Variants in IRGM observed in about 807,000 individuals in gnomAD.
The protein encoded by IRGM is immunity-related GTPase family M protein.
For synonymous variants in IRGM, 98 were observed against 80.6 expected (o/e 1.22, Z -1.16); for missense variants, 288 against 219.9 (o/e 1.31, Z -1.96).
intron 1 of IRGM, among the ~76,000 whole-genome samples, chr5:150,877,559 T>C (rs541661836): frequency 6.6e-6 from 1 of 152,338 alleles, no homozygotes; most frequent in East Asian, 1.9e-4. Flanking sequence ...CTCCCCTTTA[T>C]ATATACATCT....
At chr5:150,893,675 T>C (rs1754656584) in intron 3 of IRGM, among the ~76,000 whole-genome samples, 1 of 152,144 alleles carries the variant, frequency 6.6e-6, no homozygotes, top group Non-Finnish European at 1.5e-5. Flanking sequence ...ATGTAACTAT[T>C]GATGAAAACT....
At chr5:150,890,250 G>C (rs1581654468) in intron 3 of IRGM, among the ~76,000 whole-genome samples, 1 of 152,042 alleles carries the variant, frequency 6.6e-6, no homozygotes, top group African/African-American at 2.4e-5. Context: ...GTGGTAGTTT[G>C]TATCTTTCAA....
rs116201456 is a variant in IRGM, at chr5:150,892,540, C to A, written c.*141-8049C>A. 4.2e-3 allele frequency among the ~76,000 whole-genome samples: 641 copies of A among 152,068 alleles called. 4 individuals carry two copies. The highest frequency in any genetic ancestry group is 0.015 in the African/African-American group (608 of 41,496). ...AACAACACTTTTATCTCTTCCTTTC[C>A]AGGTTGCAAGCCCACTCCCTACTTT... is the stretch of plus-strand genomic sequence containing the variant. On this transcript the variant is annotated intron_variant and NMD_transcript_variant, in intron 3 of 3. Transcript: ENST00000520549.
At position 150,848,198 on chromosome 5, in the gene IRGM, T is replaced by C. The variant is rs747271133; in HGVS notation, c.75T>C (p.Thr25=). ...LPEVISNIKE[T]LKIVSRTPVN... Reference sequence around the variant, plus strand: ...AGGTGATCTCTAACATCAAGGAGACTCTGAAGATAGTGTCCAGGACACCAG... The same window carrying C: ...AGGTGATCTCTAACATCAAGGAGACCCTGAAGATAGTGTCCAGGACACCAG... Residue 25 remains threonine (T), a synonymous_variant, in exon 2 of 2, where the codon ACT becomes ACC. Coordinates refer to ENST00000522154, the MANE Select transcript of IRGM (RefSeq NM_001145805.2). The C allele has an allele frequency of 2.5e-5, 39 of 1,551,598 alleles. No homozygotes were observed. The highest frequency in any genetic ancestry group is 3.2e-5 in the Non-Finnish European group (37 of 1,146,914).
intron 1 of IRGM, among the ~76,000 whole-genome samples, chr5:150,877,748 G>A (rs1754385372): frequency 6.6e-6 from 1 of 152,092 alleles, no homozygotes; most frequent in Non-Finnish European, 1.5e-5. Flanking sequence ...ATAGGGCAGT[G>A]ACTTCACTCT....
chr5:150,886,220 T>C (rs1483323121), intron 3 of IRGM, among the ~76,000 whole-genome samples: 1 of 152,154 alleles, frequency 6.6e-6, no homozygotes, highest in Admixed American at 6.6e-5. Flanking sequence ...TATTTTCTTA[T>C]GTTGAAGCAA....
intron 3 of IRGM, chr5:150,897,168 C>A: frequency 2.3e-6 from 1 of 442,618 alleles, no homozygotes; most frequent in Non-Finnish European, 3.9e-6. Context: ...CAGAAATATT[C>A]ATGTAAAAAC....
chr5:150,848,036 C>T lies in IRGM; in HGVS notation c.-88C>T, dbSNP rs776333041. 8 of 1,019,862 alleles carry T rather than the reference C, an allele frequency of 7.8e-6. No individual in the cohort carries two copies. The highest frequency in any genetic ancestry group is 2.8e-5 in the Admixed American group (1 of 35,820). 63.2% of individuals were successfully genotyped at this position (1,019,862 alleles called of 1,614,324 possible). A position where few individuals can be genotyped will look rare whatever the true frequency, so the allele number is the denominator to read the frequency against. On this transcript the variant is annotated 5_prime_UTR_variant, in exon 2 of 2. Coordinates refer to ENST00000522154, the MANE Select transcript of IRGM (RefSeq NM_001145805.2). ...CAGGATGGTCTCAATCTCCTGACCT[C>T]GTGATCTGCTCGCCTCGGCCTTCCA...
At chr5:150,868,761 A>G (rs1347640611) in intron 1 of IRGM, among the ~76,000 whole-genome samples, 1 of 152,088 alleles carries the variant, frequency 6.6e-6, no homozygotes, top group African/African-American at 2.4e-5. Context: ...AAGCAGTTAC[A>G]TTCTTGATTT....
chr5:150,890,186 T>A (rs998962506), intron 3 of IRGM, among the ~76,000 whole-genome samples: 2 of 152,154 alleles, frequency 1.3e-5, no homozygotes, highest in Middle Eastern at 3.4e-3. Context: ...AGTTGAATTT[T>A]AAAAATTGAT....
At chr5:150,896,856 C>G (rs151248402) in intron 3 of IRGM, 7 of 1,613,720 alleles carry the variant, frequency 4.3e-6, no homozygotes, top group Non-Finnish European at 1.7e-6. Context: ...ATCACCTTGA[C>G]AGACTTTTAA....
chr5:150,884,959 C>T (rs200014101), intron 3 of IRGM, among the ~76,000 whole-genome samples: 1 of 152,034 alleles, frequency 6.6e-6, no homozygotes, highest in African/African-American at 2.4e-5. Context: ...GTCATGATTG[C>T]TTTTGGTGTT....
In IRGM at chr5:150,896,740, G is replaced by C. The variant is rs191392662; in HGVS notation, c.*141-3849G>C. On this transcript the variant is annotated intron_variant and NMD_transcript_variant, in intron 3 of 3. Transcript: ENST00000520549. The stretch of plus-strand genomic sequence containing the variant: ...ATGCACTCTTGAAATATTTTCCCCA[G>C]TGGATTATATTTATGCCCTGATGCC... 6.6e-5 allele frequency: 106 copies of C among 1,613,640 alleles called. No individual in the cohort carries two copies. The East Asian group carries it at 1.9e-3, about 29-fold the overall frequency.
chr5:150,866,565 CT>C (rs1197714213), intron 1 of IRGM, among the ~76,000 whole-genome samples: 1 of 152,040 alleles, frequency 6.6e-6, no homozygotes, highest in Non-Finnish European at 1.5e-5. Context: ...AAAGAAACTT[CT>C]GACAAAAATC....
At chr5:150,892,942 T>G (rs796378748) in intron 3 of IRGM, among the ~76,000 whole-genome samples, 55 of 152,142 alleles carry the variant, frequency 3.6e-4, no homozygotes, top group African/African-American at 1.3e-3. Flanking sequence ...TTTTCCTATT[T>G]CTTCATCTTC....
intron 1 of IRGM, among the ~76,000 whole-genome samples, chr5:150,871,462 C>A (rs1276030393): frequency 6.6e-6 from 1 of 152,170 alleles, no homozygotes; most frequent in Non-Finnish European, 1.5e-5. Flanking sequence ...CTCAGCTGAT[C>A]AAACTCTGTT....
chr5:150,870,233 G>A (rs1029335870), intron 1 of IRGM, among the ~76,000 whole-genome samples: 1 of 152,030 alleles, frequency 6.6e-6, no homozygotes, highest in Non-Finnish European at 1.5e-5. Context: ...CAACACATAG[G>A]TGCACATCCC....
At chr5:150,878,911 A>G (rs1397607362) in intron 2 of IRGM, among the ~76,000 whole-genome samples, 2 of 152,166 alleles carry the variant, frequency 1.3e-5, no homozygotes, top group East Asian at 3.8e-4. Context: ...AAGGAAAACA[A>G]AGTTTACTTT....
At chr5:150,850,224 G>A (rs148516618), downstream of IRGM, among the ~76,000 whole-genome samples, 7 of 152,004 alleles carry the variant, frequency 4.6e-5, no homozygotes, top group Non-Finnish European at 8.8e-5. Flanking sequence ...AGTCACATAC[G>A]TAATTTAAAA....
Sources: allele counts gnomAD v4.1 joint callset (sites outside exome capture counted in the v4.1 genomes callset), GRCh38; gene constraint gnomAD v4.1.1; transcripts MANE v1.5; gene names NCBI Gene and HGNC (gene_info 2026-07-23, HGNC 2026-07-21).